Variants in TMEM236 observed in about 807,000 individuals in gnomAD.
The protein encoded by TMEM236 is family with sequence similarity 23, member A.
A neutral mutation model predicts 14.7 loss-of-function variants in TMEM236; 11 were observed. That is an observed-to-expected ratio of 0.75 (90% CI 0.47 to 1.24). The LOEUF (loss-of-function observed/expected upper bound fraction) is 1.24. Ranked by LOEUF, TMEM236 falls within the 50% of genes most tolerant of loss-of-function variation. TMEM236 has a pLI of 0.00. For synonymous variants in TMEM236, 182 were observed against 168.6 expected, an observed-to-expected ratio of 1.08 and a Z score of -0.62; for missense variants, 464 against 427.3, an observed-to-expected ratio of 1.09 and a Z score of -0.76.
intron 1 of TMEM236, among the ~76,000 whole-genome samples, chr10:17,768,095 T>TG (rs1350364939): frequency 2.1e-4 from 28 of 132,114 alleles, no homozygotes; most frequent in Admixed American, 1.2e-3. Flanking sequence ...GGTTTTTTTT[T>TG]TTTTTTTTTT....
At position 17,799,164 on chromosome 10, in the gene TMEM236, C is replaced by T. The variant is rs1970922; in HGVS notation, c.*2660C>T. On this transcript the variant is annotated 3_prime_UTR_variant, in exon 4 of 4. Transcript: ENST00000377495. ...AATCTGAATTACACCACTTTATTCA[C>T]ACTTACATTATGTGTTTACTTTTCT... The T allele has an allele frequency of 1, 164,113 of 164,114 alleles. 82,056 individuals carry two copies. The highest frequency in any genetic ancestry group is 1 in the Non-Finnish European group (74,770 of 74,770). The allele number at this position is 164,114 out of a possible 1,614,324, so 10.2% of individuals were successfully genotyped here.
chr10:17,756,805 T>C (rs1188847135), intron 1 of TMEM236, among the ~76,000 whole-genome samples: 1 of 151,936 alleles, frequency 6.6e-6, no homozygotes, highest in Admixed American at 6.6e-5. Context: ...CCTGGGGCAA[T>C]TGAGAGTTAA....
chr10:17,781,677 C>T (rs1837751879), intron 3 of TMEM236, among the ~76,000 whole-genome samples: 1 of 139,820 alleles, frequency 7.2e-6, no homozygotes, highest in African/African-American at 2.7e-5. Flanking sequence ...ACCCAGGAGG[C>T]GGAGATTGCA....
chr10:17,766,274 C>T (rs1379790003), intron 1 of TMEM236, among the ~76,000 whole-genome samples: 4 of 152,206 alleles, frequency 2.6e-5, no homozygotes, highest in African/African-American at 9.6e-5. Flanking sequence ...TCATTACTTA[C>T]AAGTTCTACT....
Position 17,796,159 on chromosome 10 carries a change from A to T in TMEM236, c.711A>T (p.Leu237Phe), listed in dbSNP as rs1838011063. The change falls in exon 4 of 4, where the codon TTA (leucine) becomes TTT (phenylalanine). Residue 237 changes from leucine to phenylalanine, a missense_variant. By Grantham distance (22) the Leu-to-Phe change is conservative. Coordinates refer to ENST00000377495, the MANE Select transcript of TMEM236 (RefSeq NM_001098844.3). ...CCCGGCGAGATGTCCGGGCAGAGTT[A>T]TTCTTATGGAGCTTTCTCCTGTGGT... ...MMSRRDVRAE[L>F]FLWSFLLWSD... 3.7e-6 allele frequency: 6 copies of T among 1,613,944 alleles called. No homozygotes were observed. Among genetic ancestry groups the T allele is most frequent in the Non-Finnish European group, 5.1e-6 (6 of 1,179,856 alleles).
chr10:17,783,879 T>C (rs1431776136), intron 3 of TMEM236, among the ~76,000 whole-genome samples: 1 of 152,156 alleles, frequency 6.6e-6, no homozygotes, highest in Non-Finnish European at 1.5e-5. Context: ...TTTTAAATCA[T>C]ATATTTAGGT....
In TMEM236 at chr10:17,752,408, C is replaced by A. The variant is rs1241107661; in HGVS notation, c.113C>A (p.Thr38Lys). The change falls in exon 1 of 4, where the codon ACA becomes AAA. Residue 38 changes from threonine to lysine, a missense_variant. Transcript: ENST00000377495. Reference sequence around the variant, plus strand: ...CAGTTTGCCACCGCCTACCAAGGAACAAGGGCTAGATCTGACAACACACAC... The same window carrying A: ...CAGTTTGCCACCGCCTACCAAGGAAAAAGGGCTAGATCTGACAACACACAC... ...TEQFATAYQG[T>K]RARSDNTHYW... 1 of 1,613,838 alleles carries A rather than the reference C, an allele frequency of 6.2e-7. No homozygotes were observed. Among genetic ancestry groups the A allele is most frequent in the African/African-American group, 1.3e-5 (1 of 74,900 alleles).
chr10:17,761,784 T>A lies in TMEM236; in HGVS notation c.257+9232T>A, dbSNP rs966816185. ...CTTCCCCTTGCTTGTAAATCAAATA[T>A]TGACATTATTCCACAGAATCCTGGA... On this transcript the variant is annotated intron_variant, in intron 1 of 3. Coordinates refer to ENST00000377495, the MANE Select transcript of TMEM236 (RefSeq NM_001098844.3). Among the ~76,000 whole-genome samples, 517 of 152,060 alleles carry A rather than the reference T, an allele frequency of 3.4e-3. 6 individuals carry two copies. The highest frequency in any genetic ancestry group is 0.011 in the African/African-American group (436 of 41,480).
Position 17,776,022 on chromosome 10 carries a change from T to C in TMEM236, c.331-7T>C. ...TTTAATGCTTGTAAATGGTTTTCTC[T>C]AAACAGGTTCAAAAGAGCATTAATG... On this transcript the variant is annotated splice_region_variant and splice_polypyrimidine_tract_variant and intron_variant, in intron 2 of 3. Transcript: ENST00000377495. The C allele has an allele frequency of 1.9e-6, 3 of 1,613,872 alleles. No homozygotes were observed. The highest frequency in any genetic ancestry group is 2.2e-5 in the East Asian group (1 of 44,836).
intron 1 of TMEM236, among the ~76,000 whole-genome samples, chr10:17,768,767 A>C (rs1224433361): frequency 8.3e-6 from 1 of 120,714 alleles, no homozygotes; most frequent in Non-Finnish European, 1.9e-5. Flanking sequence ...GTGTGCCTGT[A>C]TGTGTTTCCT....
intron 2 of TMEM236, among the ~76,000 whole-genome samples, chr10:17,775,552 G>A (rs1837645904): frequency 1.3e-5 from 2 of 152,226 alleles, no homozygotes; most frequent in South Asian, 4.1e-4. Flanking sequence ...GGGATTATAG[G>A]TGTGAGCCAC....
At chr10:17,769,101 G>A (rs545652852) in intron 1 of TMEM236, among the ~76,000 whole-genome samples, 18,465 of 152,072 alleles carry the variant, frequency 0.12, 1,358 homozygotes, top group Middle Eastern at 0.19. Flanking sequence ...GTGACAAGAC[G>A]TGTTTTACAT....
chr10:17,779,177 G>A (rs930599925), intron 3 of TMEM236, among the ~76,000 whole-genome samples: 46,047 of 151,986 alleles, frequency 0.3, 7,234 homozygotes, highest in Middle Eastern at 0.41. Context: ...ATGTATTAAC[G>A]CTCATTTAGC....
At chr10:17,783,676 T>C (rs1423694282) in intron 3 of TMEM236, among the ~76,000 whole-genome samples, 1 of 152,154 alleles carries the variant, frequency 6.6e-6, no homozygotes, top group Non-Finnish European at 1.5e-5. Flanking sequence ...TGTAGTTAAA[T>C]TGCTCCCTCT....
intron 3 of TMEM236, among the ~76,000 whole-genome samples, chr10:17,790,867 A>G (rs1348596927): frequency 6.6e-6 from 1 of 152,224 alleles, no homozygotes; most frequent in Non-Finnish European, 1.5e-5. Context: ...TGAATTGGGT[A>G]ACAATCTCTT....
rs1838020296 is a variant in TMEM236 at position 17,796,651 on chromosome 10, T to A, written c.*147T>A. The A allele has an allele frequency of 4.5e-6, 3 of 660,266 alleles. No homozygotes were observed. In the African/African-American group the frequency reaches 6.8e-5, roughly 15 times the overall value. The allele number at this position is 660,266 out of a possible 1,614,324, so 40.9% of individuals were successfully genotyped here. A position where few individuals can be genotyped will look rare whatever the true frequency, so the allele number is the denominator to read the frequency against. On this transcript the variant is annotated 3_prime_UTR_variant, in exon 4 of 4. Coordinates refer to ENST00000377495, the MANE Select transcript of TMEM236 (RefSeq NM_001098844.3). ...AGCCATTTTTACTAACTCTAGCATA[T>A]CAGTTTTTTTTTTTACATATACAAA...
chr10:17,789,047 C>T (rs1837881068), intron 3 of TMEM236, among the ~76,000 whole-genome samples: 1 of 152,052 alleles, frequency 6.6e-6, no homozygotes, highest in Non-Finnish European at 1.5e-5. Flanking sequence ...TGTAAATTCT[C>T]CCACTATGAC....
chr10:17,796,036 G>C lies in TMEM236; in HGVS notation c.588G>C (p.Gln196His). 2 of 1,613,924 alleles carry C rather than the reference G, an allele frequency of 1.2e-6. No homozygotes were observed. The highest frequency in any genetic ancestry group is 2.7e-5 in the African/African-American group (2 of 75,018). Residue 196 changes from glutamine to histidine, a missense_variant, in exon 4 of 4, where the codon CAG becomes CAC. Physicochemically the swap from Gln to His is conservative, Grantham distance 24. Coordinates refer to ENST00000377495, the MANE Select transcript of TMEM236 (RefSeq NM_001098844.3). ...CTCCCCAGGCAACCAACAGCACCCA[G>C]GTGTCGCAGCCATCAGGAGCCATGA... is the stretch of plus-strand genomic sequence containing the variant. The part of the protein sequence containing the change: ...AASPQATNST[Q>H]VSQPSGAMTR...
intron 3 of TMEM236, among the ~76,000 whole-genome samples, chr10:17,786,872 C>A (rs868946256): frequency 6.6e-6 from 1 of 152,128 alleles, no homozygotes; most frequent in Admixed American, 6.5e-5. Flanking sequence ...TAAATAAATA[C>A]CTGTCTTTCC....
Sources: gnomAD v4.1 joint callset for allele counts (sites outside exome capture counted in the v4.1 genomes callset) on GRCh38, gnomAD v4.1.1 for gene constraint, MANE v1.5 for transcripts, NCBI Gene and HGNC (gene_info 2026-07-23, HGNC 2026-07-21) for gene names.